The following ENTREP2 variants were observed in gnomAD, a reference collection of about 807,000 sequenced individuals.
ENTREP2 encodes the protein protein ENTREP2.
the ENTREP2 span, among the ~76,000 whole-genome samples, chr15:29,433,305 A>G: frequency 6.6e-5 from 10 of 152,222 alleles, no homozygotes; most frequent in Admixed American, 3.3e-4. Context: ...GAATAATGCA[A>G]TGAAGGGCTG....
the ENTREP2 span, among the ~76,000 whole-genome samples, chr15:29,639,667 C>T: frequency 6.7e-6 from 1 of 149,492 alleles, no homozygotes. Context: ...CCAAAGCAAG[C>T]ATAAGAAAGG....
At chr15:29,176,700 T>C in the ENTREP2 span, among the ~76,000 whole-genome samples, 3 of 152,140 alleles carry the variant, frequency 2.0e-5, no homozygotes, top group East Asian at 5.8e-4. Flanking sequence ...ACCTGAAGGC[T>C]GAGGCCGGGC....
At chr15:29,341,518 G>C in the ENTREP2 span, among the ~76,000 whole-genome samples, 4 of 152,310 alleles carry the variant, frequency 2.6e-5, 1 homozygote, top group Admixed American at 2.6e-4. Flanking sequence ...ACAAGTGCTA[G>C]TGAATCACTC....
chr15:29,295,491 C>T, the ENTREP2 span, among the ~76,000 whole-genome samples: 1 of 152,190 alleles, frequency 6.6e-6, no homozygotes, highest in East Asian at 1.9e-4. Context: ...ATCCTAAGAC[C>T]CCCAGTGGAT....
At chr15:29,606,232 T>C in the ENTREP2 span, among the ~76,000 whole-genome samples, 1 of 148,470 alleles carries the variant, frequency 6.7e-6, no homozygotes, top group East Asian at 1.9e-4. Flanking sequence ...TTCTTTTCTT[T>C]TCCTTCTTTT....
chr15:29,451,781 C>G, the ENTREP2 span, among the ~76,000 whole-genome samples: 1 of 152,226 alleles, frequency 6.6e-6, no homozygotes, highest in Admixed American at 6.5e-5. Flanking sequence ...CTTAGGGGCC[C>G]CACCCCCCTG....
At chr15:29,225,192 C>T in the ENTREP2 span, among the ~76,000 whole-genome samples, 1 of 152,210 alleles carries the variant, frequency 6.6e-6, no homozygotes, top group African/African-American at 2.4e-5. Context: ...GAAAGGGGCT[C>T]CCACAGTGCA....
chr15:29,329,593 C>T, the ENTREP2 span, among the ~76,000 whole-genome samples: 1 of 152,110 alleles, frequency 6.6e-6, no homozygotes, highest in Admixed American at 6.5e-5. Context: ...TAATGCCAAC[C>T]TCCAACCAAA....
At chr15:29,609,275 ACCAGTCC>A in the ENTREP2 span, among the ~76,000 whole-genome samples, 2 of 150,168 alleles carry the variant, frequency 1.3e-5, no homozygotes, top group Non-Finnish European at 3.0e-5. Flanking sequence ...TATTTATCTA[ACCAGTCC>A]CCTATTGATG....
the ENTREP2 span, among the ~76,000 whole-genome samples, chr15:29,554,896 C>T: frequency 0.43 from 65,345 of 152,040 alleles, 14,742 homozygotes; most frequent in African/African-American, 0.58. Context: ...TTCTTACACA[C>T]GTTAGCAATA....
chr15:29,346,482 G>C, the ENTREP2 span, among the ~76,000 whole-genome samples: 1 of 136,622 alleles, frequency 7.3e-6, no homozygotes, highest in Non-Finnish European at 1.5e-5. Context: ...CCAGGCAGGG[G>C]CTGTGGTCAG....
the ENTREP2 span, among the ~76,000 whole-genome samples, chr15:29,577,933 T>C: frequency 6.6e-6 from 1 of 151,718 alleles, no homozygotes; most frequent in South Asian, 2.1e-4. Flanking sequence ...AGAGGGGTGG[T>C]GGGAATGGGG....
the ENTREP2 span, among the ~76,000 whole-genome samples, chr15:29,294,341 C>T: frequency 1.3e-5 from 2 of 152,220 alleles, no homozygotes; most frequent in Non-Finnish European, 2.9e-5. Flanking sequence ...TCAACCTCAG[C>T]CCACTCCCTG....
chr15:29,196,518 T>C, the ENTREP2 span: 2 of 1,551,626 alleles, frequency 1.3e-6, no homozygotes, highest in Non-Finnish European at 1.7e-6. Flanking sequence ...GGACGACTGG[T>C]GCTGCAGCTC....
At chr15:29,251,734 T>C in the ENTREP2 span, among the ~76,000 whole-genome samples, 1 of 147,068 alleles carries the variant, frequency 6.8e-6, no homozygotes, top group South Asian at 2.2e-4. Flanking sequence ...ATTATGAGTT[T>C]TTTTTGTGAC....
chr15:29,394,711 A>G, the ENTREP2 span, among the ~76,000 whole-genome samples: 1 of 151,976 alleles, frequency 6.6e-6, no homozygotes, highest in Non-Finnish European at 1.5e-5. Flanking sequence ...CTTTGTATCC[A>G]TTAATTTACA....
the ENTREP2 span, chr15:29,196,526 C>T: frequency 6.4e-7 from 1 of 1,551,658 alleles, no homozygotes; most frequent in Non-Finnish European, 8.7e-7. Flanking sequence ...GGTGCTGCAG[C>T]TCACAGCAGA....
At chr15:29,403,641 T>C in the ENTREP2 span, among the ~76,000 whole-genome samples, 1 of 152,212 alleles carries the variant, frequency 6.6e-6, no homozygotes, top group Non-Finnish European at 1.5e-5. Flanking sequence ...TAAAGGCCAC[T>C]GTACTAATGT....
At chr15:29,626,068 G>A in the ENTREP2 span, among the ~76,000 whole-genome samples, 2 of 152,280 alleles carry the variant, frequency 1.3e-5, no homozygotes, top group Admixed American at 1.3e-4. Flanking sequence ...GGCTGGTCTT[G>A]AACTCGTGAC....
Sources: gnomAD v4.1 joint callset for allele counts (sites outside exome capture counted in the v4.1 genomes callset) on GRCh38, gnomAD v4.1.1 for gene constraint, MANE v1.5 for transcripts, NCBI Gene and HGNC (gene_info 2026-07-23, HGNC 2026-07-21) for gene names.